CDV3: variants seen among roughly 807,000 people sequenced by gnomAD.
CDV3 encodes the protein CDV3 homolog.
In CDV3, 14 loss-of-function variants were observed where a neutral mutation model predicts 24.5. The observed-to-expected ratio is 0.57, with a 90% CI of 0.38 to 0.89. The LOEUF (loss-of-function observed/expected upper bound fraction) is 0.89. Ranked by LOEUF, CDV3 falls within the 40% of genes least tolerant of loss-of-function variation. CDV3 has a pLI of 0.00. For synonymous variants in CDV3, 114 were observed against 114.1 expected (o/e 1.00, Z 0.00); for missense variants, 304 against 310.2 (o/e 0.98, Z 0.15).
chr3:133,582,880 C>T (rs762788536), intron 2 of CDV3, among the ~76,000 whole-genome samples: 4 of 152,186 alleles, frequency 2.6e-5, no homozygotes, highest in Admixed American at 6.5e-5. Flanking sequence ...CATTATTGTG[C>T]TTTAATATCC....
At chr3:133,577,962 GT>G (rs753409200) in intron 2 of CDV3, among the ~76,000 whole-genome samples, 1 of 152,150 alleles carries the variant, frequency 6.6e-6, no homozygotes, top group East Asian at 1.9e-4. Context: ...ATCCTTGGTT[GT>G]TTGTAGGCCC....
rs1300351032 is a variant in CDV3 at position 133,590,088 on chromosome 3, TAACTTTTTA to T, written c.*2045_*2053del. The T allele has an allele frequency of 6.6e-6, 1 of 152,232 alleles. No individual in the cohort carries two copies. Among genetic ancestry groups the T allele is most frequent in the African/African-American group, 2.4e-5 (1 of 41,456 alleles). 9.4% of individuals were successfully genotyped at this position (152,232 alleles called of 1,614,324 possible). Reference sequence around the variant, plus strand: ...CAGATTTAAATTACAACTCTTGTTATAACTTTTTAAAAGATTGTGAAAATATCAAAATAT... The same window carrying T: ...CAGATTTAAATTACAACTCTTGTTATAAAGATTGTGAAAATATCAAAATAT... On this transcript the variant is annotated 3_prime_UTR_variant, in exon 5 of 5. Coordinates refer to ENST00000264993, the MANE Select transcript of CDV3 (RefSeq NM_017548.5).
At chr3:133,575,888 A>G (rs1401177312) in intron 2 of CDV3, among the ~76,000 whole-genome samples, 1 of 152,262 alleles carries the variant, frequency 6.6e-6, no homozygotes, top group African/African-American at 2.4e-5. Flanking sequence ...GGAAAAAACA[A>G]ATGAAGATAT....
Position 133,588,758 on chromosome 3 carries a change from C to G in CDV3, c.*712C>G, listed in dbSNP as rs1933858895. 1 of 188,090 alleles carries G rather than the reference C, an allele frequency of 5.3e-6. No individual in the cohort carries two copies. Among genetic ancestry groups the G allele is most frequent in the Non-Finnish European group, 1.1e-5 (1 of 93,478 alleles). The allele number at this position is 188,090 out of a possible 1,614,324, so 11.7% of individuals were successfully genotyped here. On this transcript the variant is annotated 3_prime_UTR_variant, in exon 5 of 5. Coordinates refer to ENST00000264993, the MANE Select transcript of CDV3 (RefSeq NM_017548.5). The stretch of plus-strand genomic sequence containing the variant: ...ATAAATTCAACCAAACTGGGGTCCA[C>G]CAAGTGGGGGAAGGGGAAGGGAGAG...
At chr3:133,577,205 G>A (rs1268534556) in intron 2 of CDV3, among the ~76,000 whole-genome samples, 1 of 151,712 alleles carries the variant, frequency 6.6e-6, no homozygotes, top group Admixed American at 6.6e-5. Context: ...GGCCCTAAGT[G>A]GCCATCCTAG....
chr3:133,584,204 A>G (rs1194621485), intron 3 of CDV3, 54 bp downstream of exon 3: 1 of 1,357,728 alleles, frequency 7.4e-7, no homozygotes, highest in African/African-American at 1.5e-5. Flanking sequence ...ATGATTTTAT[A>G]TATGGTCCAC....
In CDV3 at chr3:133,586,629, C is replaced by A; in HGVS notation, c.533C>A (p.Thr178Lys). Residue 178 changes from threonine to lysine, a missense_variant, in exon 4 of 5, where the codon ACA becomes AAA. Coordinates refer to ENST00000264993, the MANE Select transcript of CDV3 (RefSeq NM_017548.5). The stretch of plus-strand genomic sequence containing the variant: ...AGGCCTCCTGGGGCCAGGTTAACCA[C>A]AACAAGGAAAACACCACAAGGACCA... ...VYRPPGARLTTTRKTPQGPPE... is the reference protein window; with the variant it reads ...VYRPPGARLTKTRKTPQGPPE... 1 of 1,597,880 alleles carries A rather than the reference C, an allele frequency of 6.3e-7. No homozygotes were observed. Among genetic ancestry groups the A allele is most frequent in the Non-Finnish European group, 8.6e-7 (1 of 1,165,118 alleles).
At chr3:133,584,272 G>C (rs769482726) in intron 3 of CDV3, 122 bp downstream of exon 3, 284 of 665,924 alleles carry the variant, frequency 4.3e-4, no homozygotes, top group Non-Finnish European at 6.5e-4. Flanking sequence ...TTCCATTCCT[G>C]GTAGAGTGGG....
At chr3:133,583,823 A>G (rs1165505459) in intron 2 of CDV3, among the ~76,000 whole-genome samples, 179 bp from the exon 3 acceptor site, 1 of 152,136 alleles carries the variant, frequency 6.6e-6, no homozygotes, top group Non-Finnish European at 1.5e-5. Context: ...TGGCCTCCCA[A>G]AGTCCTGGGA....
rs543747520 is a variant in CDV3 at position 133,577,235 on chromosome 3, T to G, written c.317+2120T>G. ...TCCTAGTAGAGGTATTCCACTAACC[T>G]GCAACACTGAGAAACACTCCTTCCC... On this transcript the variant is annotated intron_variant, in intron 2 of 4. Coordinates refer to ENST00000264993, the MANE Select transcript of CDV3 (RefSeq NM_017548.5). Among the ~76,000 whole-genome samples, 8 of 152,220 alleles carry G rather than the reference T, an allele frequency of 5.3e-5. No individual in the cohort carries two copies. The South Asian group carries it at 1.4e-3, about 28-fold the overall frequency.
chr3:133,588,368 A>G lies in CDV3; in HGVS notation c.*322A>G. The G allele has an allele frequency of 6.5e-7, 1 of 1,536,042 alleles. No individual in the cohort carries two copies. The highest frequency in any genetic ancestry group is 8.7e-7 in the Non-Finnish European group (1 of 1,146,798). On this transcript the variant is annotated 3_prime_UTR_variant, in exon 5 of 5. Transcript: ENST00000264993. The stretch of plus-strand genomic sequence containing the variant: ...TTATGTTCAGATACTGAGCCTTCAT[A>G]AGGGTTGACTACCTCAGATTTGCTG...
chr3:133,584,958 G>A (rs962973770), intron 3 of CDV3, among the ~76,000 whole-genome samples: 4 of 152,172 alleles, frequency 2.6e-5, no homozygotes, highest in Admixed American at 1.3e-4. Flanking sequence ...CTTTAAAGAA[G>A]TGTATACTCA....
At chr3:133,577,608 C>T (rs2074864852) in intron 2 of CDV3, among the ~76,000 whole-genome samples, 1 of 152,192 alleles carries the variant, frequency 6.6e-6, no homozygotes, top group Non-Finnish European at 1.5e-5. Context: ...GATCCACCCA[C>T]CTCGGCCTTC....
intron 2 of CDV3, among the ~76,000 whole-genome samples, chr3:133,579,312 TGTA>T (rs1355409092): frequency 6.6e-6 from 1 of 152,236 alleles, no homozygotes; most frequent in East Asian, 1.9e-4. Flanking sequence ...ACAGCAGTAT[TGTA>T]GTGTTTGTTT....
intron 1 of CDV3, chr3:133,574,547 A>G (rs1192588352): frequency 5.1e-6 from 5 of 986,094 alleles, no homozygotes; most frequent in Middle Eastern, 5.2e-4. Context: ...CTCCGGGGGC[A>G]CTAGGTCTGG....
chr3:133,581,204 G>C (rs1480538376), intron 2 of CDV3, among the ~76,000 whole-genome samples: 1 of 152,026 alleles, frequency 6.6e-6, no homozygotes, highest in East Asian at 1.9e-4. Context: ...GCAAGACCCT[G>C]TCTCTACAAA....
At chr3:133,574,934 C>G (rs192695960) in intron 1 of CDV3, 105 bp from the exon 2 acceptor site, 2 of 809,042 alleles carry the variant, frequency 2.5e-6, no homozygotes, top group African/African-American at 1.7e-5. Context: ...CAAGTACATA[C>G]TTAGTTTAGG....
chr3:133,588,079 T>G lies in CDV3; in HGVS notation c.*33T>G. On this transcript the variant is annotated 3_prime_UTR_variant, in exon 5 of 5. Coordinates refer to ENST00000264993, the MANE Select transcript of CDV3 (RefSeq NM_017548.5). ...GCTTTGCTAACCCTTCTGAGGTAAC[T>G]AGACTGCAGCTAACCACCACCAACA... 1 of 1,600,948 alleles carries G rather than the reference T, an allele frequency of 6.2e-7. No individual in the cohort carries two copies.
Position 133,573,860 on chromosome 3 carries a change from C to T in CDV3, c.-185C>T. ...CGCGCGAGCCCCCGGGCGGACCGTA[C>T]CACCGCTCGCCAGCACGCAGGGGGA... is the stretch of plus-strand genomic sequence containing the variant. On this transcript the variant is annotated 5_prime_UTR_variant, in exon 1 of 5. Coordinates refer to ENST00000264993, the MANE Select transcript of CDV3 (RefSeq NM_017548.5). 4.1e-6 allele frequency: 1 copy of T among 245,590 alleles called. No homozygotes were observed. Among genetic ancestry groups the T allele is most frequent in the East Asian group, 1.8e-4 (1 of 5,542 alleles). The allele number at this position is 245,590 out of a possible 1,614,324, so 15.2% of individuals were successfully genotyped here.
Sources: allele counts gnomAD v4.1 joint callset (sites outside exome capture counted in the v4.1 genomes callset), GRCh38; gene constraint gnomAD v4.1.1; transcripts MANE v1.5; gene names NCBI Gene and HGNC (gene_info 2026-07-23, HGNC 2026-07-21).